FHIT: variants seen among roughly 807,000 people sequenced by gnomAD.
The protein encoded by FHIT is bis(5'-adenosyl)-triphosphatase.
In FHIT, 19 loss-of-function variants were observed where a neutral mutation model predicts 17.9. The ratio of observed to expected loss-of-function variants is 1.06; its 90% CI spans 0.74 to 1.56. The LOEUF is 1.56. Among genes scored for constraint, FHIT ranks in the 40% most tolerant of loss-of-function variants. The pLI, the probability that FHIT is intolerant of heterozygous loss-of-function variation, is 0.00. For missense variants in FHIT, 248 were observed against 189.2 expected (o/e 1.31, Z -1.82); for synonymous variants, 81 against 69.7 (o/e 1.16, Z -0.81).
At chr3:60,316,722 G>A (rs1431135512) in intron 5 of FHIT, among the ~76,000 whole-genome samples, 1 of 152,128 alleles carries the variant, frequency 6.6e-6, no homozygotes, top group Non-Finnish European at 1.5e-5. Flanking sequence ...CTGTAACTTA[G>A]CACAGCATAT....
chr3:61,158,251 C>T (rs932645515), intron 2 of FHIT, among the ~76,000 whole-genome samples: 15 of 152,288 alleles, frequency 9.8e-5, no homozygotes, highest in African/African-American at 1.4e-4. Context: ...AATGTCACCA[C>T]GCAGTAGAAT....
At chr3:59,943,884 G>T (rs1706662178) in intron 7 of FHIT, among the ~76,000 whole-genome samples, 1 of 152,172 alleles carries the variant, frequency 6.6e-6, no homozygotes, top group African/African-American at 2.4e-5. Context: ...GCTACCTGGA[G>T]CAAATTACTT....
intron 1 of FHIT, among the ~76,000 whole-genome samples, chr3:61,214,637 A>G (rs2039609912): frequency 6.6e-6 from 1 of 152,158 alleles, no homozygotes; most frequent in African/African-American, 2.4e-5. Flanking sequence ...AAAAGAGGGA[A>G]TCCTCCCTAA....
intron 5 of FHIT, among the ~76,000 whole-genome samples, chr3:60,116,755 C>A (rs1216173557): frequency 6.6e-6 from 1 of 152,126 alleles, no homozygotes; most frequent in African/African-American, 2.4e-5. Context: ...GAGCAAGGCA[C>A]TGAGAAATCA....
chr3:61,051,904 G>T (rs918540641), intron 2 of FHIT, among the ~76,000 whole-genome samples: 3 of 152,170 alleles, frequency 2.0e-5, no homozygotes, highest in African/African-American at 7.2e-5. Context: ...CCCTGGAGCT[G>T]CTCTCTATAC....
At chr3:60,325,534 T>C (rs998308985) in intron 5 of FHIT, among the ~76,000 whole-genome samples, 2 of 152,254 alleles carry the variant, frequency 1.3e-5, no homozygotes, top group African/African-American at 4.8e-5. Context: ...CATCTAGAAA[T>C]GCCTTCAGAG....
At chr3:61,207,947 C>A (rs1236315040) in intron 1 of FHIT, among the ~76,000 whole-genome samples, 2 of 151,986 alleles carry the variant, frequency 1.3e-5, no homozygotes, top group Non-Finnish European at 2.9e-5. Flanking sequence ...CTTTTGTGGG[C>A]ATTTAGTGCT....
Position 60,573,203 on chromosome 3 carries a change from G to A in FHIT, c.-17-36224C>T, listed in dbSNP as rs541408474. Among the ~76,000 whole-genome samples the A allele has an allele frequency of 3.9e-5, 6 of 152,196 alleles. No homozygotes were observed. In the South Asian group the frequency reaches 1.2e-3, roughly 32 times the overall value. On this transcript the variant is annotated intron_variant, in intron 4 of 9. Coordinates refer to ENST00000492590, the MANE Select transcript of FHIT (RefSeq NM_002012.4). ...AGGCCTGGATGGAATGCAATCATGAGGACAACATGGGGCACTGTCCATAAC... is the reference window on the plus strand; with the variant it reads ...AGGCCTGGATGGAATGCAATCATGAAGACAACATGGGGCACTGTCCATAAC...
At chr3:60,147,353 C>A (rs1700282465) in intron 5 of FHIT, among the ~76,000 whole-genome samples, 2 of 152,114 alleles carry the variant, frequency 1.3e-5, no homozygotes, top group South Asian at 2.1e-4. Flanking sequence ...CAAGTCTTAA[C>A]TGACGATTCA....
At chr3:60,269,598 A>T (rs941346878) in intron 5 of FHIT, among the ~76,000 whole-genome samples, 5 of 152,204 alleles carry the variant, frequency 3.3e-5, no homozygotes, top group Admixed American at 2.0e-4. Flanking sequence ...GAGTGCAAAG[A>T]AATATCTTTT....
intron 4 of FHIT, among the ~76,000 whole-genome samples, chr3:60,673,634 A>T (rs2040558313): frequency 6.6e-6 from 1 of 152,176 alleles, no homozygotes; most frequent in Admixed American, 6.5e-5. Context: ...GCAAATGTTT[A>T]CATATGTAAC....
At chr3:61,051,942 T>C (rs191862610) in intron 2 of FHIT, among the ~76,000 whole-genome samples, 69 of 152,282 alleles carry the variant, frequency 4.5e-4, no homozygotes, top group African/African-American at 1.6e-3. Flanking sequence ...CCACACACCA[T>C]CAGAAGATAG....
intron 2 of FHIT, among the ~76,000 whole-genome samples, chr3:61,124,208 T>C (rs1455968879): frequency 2.6e-5 from 4 of 152,194 alleles, no homozygotes; most frequent in African/African-American, 9.6e-5. Context: ...CCAATTGGCA[T>C]GATTCTTGCA....
chr3:60,404,403 G>A (rs754153738), intron 5 of FHIT, among the ~76,000 whole-genome samples: 1 of 152,118 alleles, frequency 6.6e-6, no homozygotes, highest in Non-Finnish European at 1.5e-5. Flanking sequence ...CACTGAGTAT[G>A]TACTACTCAG....
chr3:61,168,229 A>G (rs9878337), intron 2 of FHIT, among the ~76,000 whole-genome samples: 39 of 152,330 alleles, frequency 2.6e-4, no homozygotes, highest in African/African-American at 8.7e-4. Flanking sequence ...TTCAAATTGC[A>G]AGATGGTGTT....
intron 5 of FHIT, among the ~76,000 whole-genome samples, chr3:60,135,444 A>G (rs767852574): frequency 1.2e-4 from 18 of 152,180 alleles, no homozygotes; most frequent in Non-Finnish European, 1.8e-4. Flanking sequence ...TGATTCAAAT[A>G]TTTGTGGAAT....
At chr3:60,874,065 T>G (rs972584525) in intron 3 of FHIT, among the ~76,000 whole-genome samples, 3 of 152,210 alleles carry the variant, frequency 2.0e-5, no homozygotes, top group African/African-American at 7.2e-5. Flanking sequence ...ATTATTGAAC[T>G]GTATTGAGCA....
Position 60,409,983 on chromosome 3 carries a change from C to T in FHIT, c.103+126877G>A, listed in dbSNP as rs372295124. Among the ~76,000 whole-genome samples the T allele has an allele frequency of 7.2e-5, 11 of 152,086 alleles. 1 individual carries two copies. The highest frequency in any genetic ancestry group is 6.3e-4 in the South Asian group (3 of 4,798). On this transcript the variant is annotated intron_variant, in intron 5 of 9. Coordinates refer to ENST00000492590, the MANE Select transcript of FHIT (RefSeq NM_002012.4). ...ATTCAACCTTAAATAATGGGAAAAT[C>T]GAACAAAAACAACACCCTAACAGAT...
chr3:60,509,774 A>C (rs2034875627), intron 5 of FHIT, among the ~76,000 whole-genome samples: 1 of 152,200 alleles, frequency 6.6e-6, no homozygotes, highest in Non-Finnish European at 1.5e-5. Context: ...GATCTGTTTC[A>C]TTTTCAGAGA....
Sources: allele counts gnomAD v4.1 joint callset (sites outside exome capture counted in the v4.1 genomes callset), GRCh38; gene constraint gnomAD v4.1.1; transcripts MANE v1.5; gene names NCBI Gene and HGNC (gene_info 2026-07-23, HGNC 2026-07-21).